Variants in SETD2 observed in about 807,000 individuals in gnomAD.
SETD2 encodes the protein histone-lysine N-methyltransferase SETD2.
A neutral mutation model predicts 242.1 loss-of-function variants in SETD2; 31 were observed. That is an observed-to-expected ratio of 0.13 (90% CI 0.10 to 0.17). SETD2 has a LOEUF of 0.17. Among genes scored for constraint, SETD2 ranks in the 10% least tolerant of loss-of-function variants. SETD2 has a pLI of 1.00. For missense variants in SETD2, 2,481 were observed against 3,046.3 expected, an observed-to-expected ratio of 0.81 and a Z score of 4.37; for synonymous variants, 1,006 against 1,066.5, an observed-to-expected ratio of 0.94 and a Z score of 1.11.
At chr3:47,058,463 AAC>A (rs1491066711) in intron 14 of SETD2, among the ~76,000 whole-genome samples, 16,253 of 112,500 alleles carry the variant, frequency 0.14, 2,232 homozygotes, top group African/African-American at 0.17. Flanking sequence ...AAAAAAAAAA[AAC>A]ACAAAGAGGG....
chr3:47,031,716 A>G (rs971301710), intron 18 of SETD2, among the ~76,000 whole-genome samples: 1 of 152,248 alleles, frequency 6.6e-6, no homozygotes, highest in African/African-American at 2.4e-5. Context: ...GTGTAGGTAC[A>G]AAGAGTATAA....
At chr3:47,050,048 T>C (rs2039756207) in intron 15 of SETD2, among the ~76,000 whole-genome samples, 1 of 149,092 alleles carries the variant, frequency 6.7e-6, no homozygotes, top group Non-Finnish European at 1.5e-5. Context: ...TACATTTTGA[T>C]AGAGGAAACA....
intron 1 of SETD2, among the ~76,000 whole-genome samples, chr3:47,154,838 C>T (rs1452686609): frequency 2.0e-5 from 3 of 151,118 alleles, no homozygotes; most frequent in Non-Finnish European, 4.4e-5. Flanking sequence ...TAAAAAAATA[C>T]AAAAAATTAG....
intron 9 of SETD2, among the ~76,000 whole-genome samples, chr3:47,092,896 C>G (rs1024871978): frequency 6.6e-6 from 1 of 152,080 alleles, no homozygotes; most frequent in Non-Finnish European, 1.5e-5. Flanking sequence ...TAACAGCAAC[C>G]CTTCCTATGC....
In SETD2 at chr3:47,123,094, T is replaced by C. The variant is rs774483658; in HGVS notation, c.1542A>G (p.Leu514=). The part of the protein sequence containing the change: ...MERRGKYSSK[L]ERESKRTSEN... ...CTGAAGTCCTTTTAGATTCTCTTTC[T>C]AGTTTTGAAGAATACTTGCCTCTTC... The change falls in exon 3 of 21, where the codon CTA becomes CTG. Residue 514 remains leucine (L), a synonymous_variant. Transcript: ENST00000409792. 10 of 1,613,622 alleles carry C rather than the reference T, an allele frequency of 6.2e-6. 1 individual carries two copies. The South Asian group carries it at 9.9e-5, about 16-fold the overall frequency.
chr3:47,031,777 G>A (rs990285690), intron 18 of SETD2, among the ~76,000 whole-genome samples: 1 of 152,168 alleles, frequency 6.6e-6, no homozygotes, highest in African/African-American at 2.4e-5. Flanking sequence ...GCTTTTATTC[G>A]TATGGGTTAT....
In SETD2 at chr3:47,097,961, C is replaced by T. The variant is rs2107674021; in HGVS notation, c.5136G>A (p.Lys1712=). 1 of 1,613,542 alleles carries T rather than the reference C, an allele frequency of 6.2e-7. No individual in the cohort carries two copies. The highest frequency in any genetic ancestry group is 8.5e-7 in the Non-Finnish European group (1 of 1,179,678). Residue 1712 remains lysine, a synonymous_variant, in exon 9 of 21, where the codon AAG becomes AAA. Transcript: ENST00000409792. ...GKMKKERSRK[K]DSVDGELEAL... ...AAGAAAAATGCAAACTTACTGAATC[C>T]TTCTTACGAGATCGTTCCTTCTTCA...
Position 47,057,400 on chromosome 3 carries a change from C to T in SETD2, c.6384G>A (p.Glu2128=), listed in dbSNP as rs958559712. 2.5e-6 allele frequency: 4 copies of T among 1,614,154 alleles called. No individual in the cohort carries two copies. Among genetic ancestry groups the T allele is most frequent in the Non-Finnish European group, 3.4e-6 (4 of 1,180,000 alleles). The change falls in exon 15 of 21, where the codon GAG becomes GAA. Residue 2128 remains glutamate, a synonymous_variant. Coordinates refer to ENST00000409792, the MANE Select transcript of SETD2 (RefSeq NM_014159.7). ...TEERRKLFEQ[E]VAQREAQKQQ... is the part of the protein sequence containing the mutation. Reference sequence around the variant, plus strand: ...GTTTCTGAGCCTCCCGTTGAGCCACCTCTTGCTCAAACAACTTCCGGCGTT... The same window carrying T: ...GTTTCTGAGCCTCCCGTTGAGCCACTTCTTGCTCAAACAACTTCCGGCGTT...
At chr3:47,024,558 A>G (rs2038386071) in intron 18 of SETD2, among the ~76,000 whole-genome samples, 1 of 152,172 alleles carries the variant, frequency 6.6e-6, no homozygotes, top group Non-Finnish European at 1.5e-5. Flanking sequence ...AGGCTGAGGC[A>G]CAAGAACCAC....
chr3:47,145,293 T>C (rs2106805051), intron 1 of SETD2, among the ~76,000 whole-genome samples: 1 of 152,370 alleles, frequency 6.6e-6, no homozygotes, highest in Admixed American at 6.5e-5. Context: ...AATTTGTTTA[T>C]GTTTCATATA....
At chr3:47,085,473 A>G (rs2041513576) in intron 11 of SETD2, among the ~76,000 whole-genome samples, 1 of 152,144 alleles carries the variant, frequency 6.6e-6, no homozygotes, top group Admixed American at 6.5e-5. Flanking sequence ...AACCTCCCCC[A>G]TTTTGAAATC....
chr3:47,028,101 C>A (rs2107511386), intron 18 of SETD2, among the ~76,000 whole-genome samples: 2 of 152,232 alleles, frequency 1.3e-5, no homozygotes, highest in Admixed American at 1.3e-4. Flanking sequence ...AATTAGCCCT[C>A]TCAGAGTTAA....
intron 1 of SETD2, among the ~76,000 whole-genome samples, chr3:47,140,401 C>T (rs1169345579): frequency 1.3e-5 from 2 of 152,164 alleles, no homozygotes; most frequent in African/African-American, 4.8e-5. Context: ...CAATTGAATT[C>T]CAGTAATTTT....
intron 7 of SETD2, among the ~76,000 whole-genome samples, chr3:47,103,023 A>C (rs990048196): frequency 6.6e-6 from 1 of 152,214 alleles, no homozygotes; most frequent in Non-Finnish European, 1.5e-5. Context: ...ATCTTGGACC[A>C]GAAAAACAAC....
intron 1 of SETD2, among the ~76,000 whole-genome samples, chr3:47,144,267 G>A (rs1413432048): frequency 6.6e-6 from 1 of 152,150 alleles, no homozygotes; most frequent in African/African-American, 2.4e-5. Flanking sequence ...GCCAAGGCAG[G>A]AGGATCACTT....
At chr3:47,060,515 G>C (rs944888534) in intron 14 of SETD2, among the ~76,000 whole-genome samples, 3 of 152,152 alleles carry the variant, frequency 2.0e-5, no homozygotes, top group Non-Finnish European at 4.4e-5. Flanking sequence ...TTGTGGGAGA[G>C]AGGCACCACT....
intron 9 of SETD2, among the ~76,000 whole-genome samples, chr3:47,091,656 A>G (rs2107659588): frequency 6.6e-6 from 1 of 152,232 alleles, no homozygotes; most frequent in East Asian, 1.9e-4. Context: ...ACAGCTACTC[A>G]GGAGGCTGTG....
rs2107578285 is a variant in SETD2, at chr3:47,057,474, A to C, written c.6310T>G (p.Ser2104Ala). Residue 2104 changes from serine (S) to alanine (A), a missense_variant, in exon 15 of 21, where the codon TCT (serine) becomes GCT (alanine). Ser to Ala is a moderately conservative substitution (Grantham distance 99). Transcript: ENST00000409792. ...RPDDRYDTPT[S>A]KKKVRIKDRN... ...TCTTTAATTCGTACTTTCTTTTTAG[A>C]AGTTGGTGTATCATATCTAGAAAGA... The C allele has an allele frequency of 6.2e-7, 1 of 1,613,868 alleles. No homozygotes were observed. Among genetic ancestry groups the C allele is most frequent in the Non-Finnish European group, 8.5e-7 (1 of 1,179,828 alleles).
chr3:47,116,680 G>C lies in SETD2; in HGVS notation c.4529C>G (p.Ala1510Gly), dbSNP rs778832358. Reference protein sequence around the residue: ...ECTPLSKDERAQGEIACGEDC... With the variant: ...ECTPLSKDERGQGEIACGEDC... ...TTCCCCACATGCTATTTCACCTTGAGCTCTTTCATCTTTAGAAAGAGGTGT... is the reference window on the plus strand; with the variant it reads ...TTCCCCACATGCTATTTCACCTTGACCTCTTTCATCTTTAGAAAGAGGTGT... Residue 1510 changes from alanine to glycine, a missense_variant, in exon 4 of 21, where the codon GCT becomes GGT. Ala to Gly is a moderately conservative substitution (Grantham distance 60). Coordinates refer to ENST00000409792, the MANE Select transcript of SETD2 (RefSeq NM_014159.7). 1.2e-6 allele frequency: 2 copies of C among 1,611,288 alleles called. No individual in the cohort carries two copies. The highest frequency in any genetic ancestry group is 1.7e-5 in the Admixed American group (1 of 59,996).
Sources: allele counts gnomAD v4.1 joint callset (sites outside exome capture counted in the v4.1 genomes callset), GRCh38; gene constraint gnomAD v4.1.1; transcripts MANE v1.5; gene names NCBI Gene and HGNC (gene_info 2026-07-23, HGNC 2026-07-21).